The following RBPJ variants were observed in gnomAD, a reference collection of about 807,000 sequenced individuals.
RBPJ encodes the protein recombination signal binding protein for immunoglobulin kappa J region.
In RBPJ, 9 loss-of-function variants were observed where a neutral mutation model predicts 67.8. The observed-to-expected ratio is 0.13, with a 90% CI of 0.08 to 0.23. The LOEUF (loss-of-function observed/expected upper bound fraction) is 0.23, where lower values mean the gene tolerates loss of function less well. Among genes scored for constraint, RBPJ ranks in the 10% least tolerant of loss-of-function variants. The probability of loss-of-function intolerance (pLI) is 1.00; values close to 1 mark genes in which losing one functional copy is unlikely to be tolerated. For missense variants in RBPJ, 305 were observed against 595.6 expected (o/e 0.51, Z 5.08); for synonymous variants, 198 against 203.3 (o/e 0.97, Z 0.22).
chr4:26,254,335 C>T (rs1276288074), intron 1 of RBPJ, among the ~76,000 whole-genome samples: 2 of 149,012 alleles, frequency 1.3e-5, no homozygotes, highest in South Asian at 2.1e-4. Flanking sequence ...TCCATGTACA[C>T]GACTATCCCT....
At chr4:26,271,145 C>G (rs1001158086) in intron 1 of RBPJ, among the ~76,000 whole-genome samples, 2 of 152,168 alleles carry the variant, frequency 1.3e-5, no homozygotes, top group Non-Finnish European at 2.9e-5. Context: ...GGCTCAAGCT[C>G]TCCTCCTGGC....
intron 1 of RBPJ, among the ~76,000 whole-genome samples, chr4:26,170,184 G>A (rs925329379): frequency 1.6e-4 from 24 of 152,158 alleles, no homozygotes; most frequent in African/African-American, 4.8e-4. Flanking sequence ...ACTGGGAACT[G>A]TAGACCGGAG....
intron 1 of RBPJ, among the ~76,000 whole-genome samples, chr4:26,384,797 C>CCTCT (rs1730665492): frequency 9.4e-6 from 1 of 106,788 alleles, no homozygotes; most frequent in Admixed American, 9.2e-5. Flanking sequence ...TCCCCTCTCC[C>CCTCT]CCTCCCCTCT....
At chr4:26,275,618 TTTTTGTTTTG>T (rs142932521) in intron 1 of RBPJ, among the ~76,000 whole-genome samples, 1 of 151,082 alleles carries the variant, frequency 6.6e-6, no homozygotes, top group African/African-American at 2.4e-5. Flanking sequence ...AATCATAGGT[TTTTTGTTTTG>T]TTTTGTTTTG....
chr4:26,219,973 C>G (rs988392075), intron 1 of RBPJ, among the ~76,000 whole-genome samples: 1 of 151,122 alleles, frequency 6.6e-6, no homozygotes, highest in Non-Finnish European at 1.5e-5. Context: ...TTAGTAGAGA[C>G]GGGGTTTCAC....
At chr4:26,185,457 A>G (rs1302813979) in intron 1 of RBPJ, among the ~76,000 whole-genome samples, 3 of 152,140 alleles carry the variant, frequency 2.0e-5, no homozygotes. Context: ...CATTTTGCCC[A>G]CTCCAAACAT....
At position 26,430,091 on chromosome 4, in the gene RBPJ, GCAGCTACTCT is replaced by G. The variant is rs1560350027; in HGVS notation, c.1044+44_1044+53del. 6.2e-7 allele frequency: 1 copy of G among 1,606,800 alleles called. No individual in the cohort carries two copies. On this transcript the variant is annotated intron_variant, in intron 9 of 10. Transcript: ENST00000355476. This position sits in a 1 kb window ranked among gnomAD's most constrained non-coding sequence, Gnocchi z 4.1. ...AGTCCAAGTTGGCCTTCAGCTCTTT[GCAGCTACTCT>G]CAGCTGTGACCTGGCATCATTTCAT...
intron 1 of RBPJ, among the ~76,000 whole-genome samples, chr4:26,297,305 A>G (rs1301604923): frequency 1.3e-5 from 2 of 151,602 alleles, no homozygotes; most frequent in African/African-American, 4.9e-5. Flanking sequence ...CCTGTCTCAA[A>G]GATAAACAAA....
chr4:26,289,400 A>G (rs1451433132), intron 1 of RBPJ, among the ~76,000 whole-genome samples: 4 of 149,254 alleles, frequency 2.7e-5, no homozygotes, highest in African/African-American at 4.9e-5. Context: ...AAAAAAAAAA[A>G]AAAAAAAGAA....
At chr4:26,382,729 C>T (rs549015524) in intron 1 of RBPJ, among the ~76,000 whole-genome samples, 45 of 152,114 alleles carry the variant, frequency 3.0e-4, no homozygotes, top group African/African-American at 1.1e-3. Flanking sequence ...TTAGAAGAGA[C>T]GGGGTTTTGC....
chr4:26,117,663 C>T, the RBPJ span, among the ~76,000 whole-genome samples: 1 of 152,054 alleles, frequency 6.6e-6, no homozygotes, highest in Admixed American at 6.6e-5. Context: ...ACTTAATTGA[C>T]TTTATAACCC....
the RBPJ span, among the ~76,000 whole-genome samples, chr4:26,143,299 T>G: frequency 9.4e-3 from 1,428 of 152,304 alleles, 28 homozygotes; most frequent in African/African-American, 0.032. Flanking sequence ...CTCTTTCAAT[T>G]TATTCCCAAC....
At chr4:26,401,797 C>A (rs903272150) in intron 2 of RBPJ, among the ~76,000 whole-genome samples, 1 of 151,912 alleles carries the variant, frequency 6.6e-6, no homozygotes, top group Non-Finnish European at 1.5e-5. Context: ...TATAGTAGCT[C>A]TTCAAGTTTT....
exon 1 of RBPJ, chr4:26,163,610 T>C (rs1026448341): frequency 3.9e-5 from 6 of 152,224 alleles, no homozygotes; most frequent in Non-Finnish European, 8.8e-5. Context: ...TCCAGCATCA[T>C]TGAGGTAAGT....
At chr4:26,170,734 A>G (rs931462559) in intron 1 of RBPJ, among the ~76,000 whole-genome samples, 6 of 152,192 alleles carry the variant, frequency 3.9e-5, no homozygotes, top group African/African-American at 1.4e-4. Flanking sequence ...ATAAGATTAA[A>G]TGATATTGGC....
intron 1 of RBPJ, among the ~76,000 whole-genome samples, chr4:26,232,928 T>C (rs1274927331): frequency 6.6e-6 from 1 of 152,224 alleles, no homozygotes; most frequent in Non-Finnish European, 1.5e-5. Flanking sequence ...TTTATGTTCC[T>C]AAACACCATC....
chr4:26,387,180 A>C (rs919213376), intron 2 of RBPJ, among the ~76,000 whole-genome samples: 16 of 152,104 alleles, frequency 1.1e-4, no homozygotes, highest in African/African-American at 3.9e-4. Flanking sequence ...AATATTTCAC[A>C]TTGATGACCA....
intron 1 of RBPJ, among the ~76,000 whole-genome samples, chr4:26,328,671 C>T (rs1322044707): frequency 6.6e-6 from 1 of 152,152 alleles, no homozygotes. Context: ...CTCTGTTGCT[C>T]AGCCTGGAAT....
At chr4:26,306,229 A>G (rs1339088847) in intron 1 of RBPJ, among the ~76,000 whole-genome samples, 1 of 151,672 alleles carries the variant, frequency 6.6e-6, no homozygotes, top group African/African-American at 2.4e-5. Context: ...AGAACCTTCA[A>G]TACCATGTTG....
Sources: gnomAD v4.1 joint callset for allele counts (sites outside exome capture counted in the v4.1 genomes callset) on GRCh38, gnomAD v4.1.1 for gene constraint, Gnocchi (gnomAD v3.1) non-coding constraint, MANE v1.5 for transcripts, NCBI Gene and HGNC (gene_info 2026-07-23, HGNC 2026-07-21) for gene names.